The following PATJ variants were observed in gnomAD, a reference collection of about 807,000 sequenced individuals.
The protein encoded by PATJ is inaD-like protein.
In PATJ, 190 loss-of-function variants were observed where a neutral mutation model predicts 224.9. The ratio of observed to expected loss-of-function variants is 0.84; its 90% CI spans 0.75 to 0.95. PATJ has a LOEUF of 0.95. Among genes scored for constraint, PATJ ranks in the 40% least tolerant of loss-of-function variants. PATJ has a pLI of 0.00. For synonymous variants in PATJ, 769 were observed against 820.3 expected, an observed-to-expected ratio of 0.94 and a Z score of 1.07; for missense variants, 2,121 against 2,270.3, an observed-to-expected ratio of 0.93 and a Z score of 1.34.
At position 61,884,373 on chromosome 1, in the gene PATJ, A is replaced by G. The variant is rs143303567; in HGVS notation, c.3096A>G (p.Thr1032=). Residue 1032 remains threonine (T), a synonymous_variant, in exon 22 of 44, where the codon ACA becomes ACG. Coordinates refer to ENST00000642238, the MANE Select transcript of PATJ (RefSeq NM_001350145.3). ...TTATTTCCAAGGCCTCAGCATACACAGGAATGTTGTCTTCTAGATATGCCA... is the reference window on the plus strand; with the variant it reads ...TTATTTCCAAGGCCTCAGCATACACGGGAATGTTGTCTTCTAGATATGCCA... ...TRVISKASAY[T]GMLSSRYATD... 1.2e-6 allele frequency: 2 copies of G among 1,610,412 alleles called. No individual in the cohort carries two copies. The highest frequency in any genetic ancestry group is 1.7e-6 in the Non-Finnish European group (2 of 1,178,636).
Position 61,762,862 on chromosome 1 carries a change from C to CT in PATJ, c.-28dup. ...ATTGTTAAATTTTTTCTTTAGGTGT[C>CT]TTTAAGAGTGATTGAAGAGAATAAT... On this transcript the variant is annotated 5_prime_UTR_variant, in exon 2 of 44. Transcript: ENST00000642238. The CT allele has an allele frequency of 6.8e-7, 1 of 1,467,624 alleles. No homozygotes were observed. Among genetic ancestry groups the CT allele is most frequent in the African/African-American group, 1.4e-5 (1 of 71,276 alleles). The allele number at this position is 1,467,624 out of a possible 1,614,324, so 90.9% of individuals were successfully genotyped here. A position where few individuals can be genotyped will look rare whatever the true frequency, so the allele number is the denominator to read the frequency against.
At chr1:62,025,093 G>A (rs890497699) in intron 29 of PATJ, among the ~76,000 whole-genome samples, 4 of 152,174 alleles carry the variant, frequency 2.6e-5, no homozygotes, top group African/African-American at 9.7e-5. Flanking sequence ...ATTGCTTACT[G>A]TCAAAGAATC....
At chr1:61,923,396 A>G (rs996130833) in intron 26 of PATJ, among the ~76,000 whole-genome samples, 4 of 152,198 alleles carry the variant, frequency 2.6e-5, no homozygotes, top group African/African-American at 9.6e-5. Context: ...GAAAATAAAA[A>G]TGTGCCCAGC....
rs148402000 is a variant in PATJ at position 62,013,445 on chromosome 1, A to G, written c.3868-4411A>G. 1,295 of 985,398 alleles carry G rather than the reference A, an allele frequency of 1.3e-3. 14 individuals are homozygous for G. The African/African-American group carries it at 0.021, about 16-fold the overall frequency. The allele number at this position is 985,398 out of a possible 1,614,324, so 61.0% of individuals were successfully genotyped here. A position where few individuals can be genotyped will look rare whatever the true frequency, so the allele number is the denominator to read the frequency against. On this transcript the variant is annotated intron_variant, in intron 28 of 43. Coordinates refer to ENST00000642238, the MANE Select transcript of PATJ (RefSeq NM_001350145.3). ...ACTCAGCACATCCTCATTGAGGGCC[A>G]CTATGCACAAGCTATGCATGAAAAG...
Position 61,763,079 on chromosome 1 carries a change from C to G in PATJ, c.89C>G (p.Ser30Trp), listed in dbSNP as rs145544558. Residue 30 changes from serine to tryptophan, a missense_variant, in exon 3 of 44, where the codon TCG becomes TGG. Coordinates refer to ENST00000642238, the MANE Select transcript of PATJ (RefSeq NM_001350145.3). ...KMKLQEKGDTSQNEKLSMFYE... is the reference protein window; with the variant it reads ...KMKLQEKGDTWQNEKLSMFYE... ...AAATTGCAGGAGAAGGGTGACACGT[C>G]GCAGAATGAGAAGTTATCTATGTTT... 405 of 1,610,798 alleles carry G rather than the reference C, an allele frequency of 2.5e-4. No homozygotes were observed. The highest frequency in any genetic ancestry group is 3.4e-4 in the Non-Finnish European group (395 of 1,177,930).
At chr1:62,082,846 C>T (rs1570505001) in intron 32 of PATJ, among the ~76,000 whole-genome samples, 1 of 152,258 alleles carries the variant, frequency 6.6e-6, no homozygotes, top group East Asian at 1.9e-4. Context: ...CTATAGTCCG[C>T]TGACCCCTGC....
intron 18 of PATJ, among the ~76,000 whole-genome samples, chr1:61,859,500 C>A (rs1389513425): frequency 6.6e-6 from 1 of 151,956 alleles, no homozygotes; most frequent in African/African-American, 2.4e-5. Flanking sequence ...AATAGTGATT[C>A]AAGGAACCAG....
At chr1:62,073,433 G>A (rs1356430435) in intron 31 of PATJ, 1 of 460,514 alleles carries the variant, frequency 2.2e-6, no homozygotes, top group Non-Finnish European at 2.9e-6. Flanking sequence ...GACCAGACTG[G>A]CCAACATAGC....
intron 8 of PATJ, 102 bp from the exon 9 acceptor site, chr1:61,791,246 C>T (rs564383309): frequency 1.7e-4 from 105 of 620,844 alleles, no homozygotes; most frequent in Middle Eastern, 1.1e-3. Context: ...TTCTGCCTGC[C>T]ATAGATGCTA....
rs1030286390 is a variant in PATJ at position 61,895,728 on chromosome 1, C to T, written c.3132-3855C>T. 1.8e-4 allele frequency among the ~76,000 whole-genome samples: 28 copies of T among 152,322 alleles called. No homozygotes were observed. In the Middle Eastern group the frequency reaches 0.01, roughly 56 times the overall value. ...TAGAGGAAAAATGCAGGATTGAAGC[C>T]CCTAAATGGAGTCCCCATGGGGGCA... On this transcript the variant is annotated intron_variant, in intron 22 of 43. Transcript: ENST00000642238.
chr1:61,945,271 C>T (rs549349878), intron 27 of PATJ, among the ~76,000 whole-genome samples: 1 of 152,246 alleles, frequency 6.6e-6, no homozygotes, highest in South Asian at 2.1e-4. Context: ...AATTAAAAGA[C>T]ACAGACTAGC....
intron 27 of PATJ, among the ~76,000 whole-genome samples, chr1:61,938,590 C>G (rs1166512182): frequency 6.6e-6 from 1 of 152,086 alleles, no homozygotes; most frequent in East Asian, 1.9e-4. Context: ...TGGCTCACAC[C>G]TGTAATTCTA....
At position 62,114,179 on chromosome 1, in the gene PATJ, G is replaced by A. The variant is rs760819126; in HGVS notation, c.4588G>A (p.Glu1530Lys). Residue 1530 changes from glutamate to lysine, a missense_variant, in exon 35 of 44, where the codon GAG becomes AAG. Physicochemically the swap from Glu to Lys is moderately conservative, Grantham distance 56. Coordinates refer to ENST00000642238, the MANE Select transcript of PATJ (RefSeq NM_001350145.3). Reference protein sequence around the residue: ...EAHYRDEENLEIFPVDLQKKA... With the variant: ...EAHYRDEENLKIFPVDLQKKA... ...ACACTACCGGGATGAGGAGAACTTGGAGATTTTCCCTGTGGATCTGCAGAA... is the reference window on the plus strand; with the variant it reads ...ACACTACCGGGATGAGGAGAACTTGAAGATTTTCCCTGTGGATCTGCAGAA... 1.9e-6 allele frequency: 3 copies of A among 1,614,158 alleles called. No homozygotes were observed. The Admixed American group carries it at 5.0e-5, about 27-fold the overall frequency.
intron 17 of PATJ, among the ~76,000 whole-genome samples, chr1:61,836,497 T>G (rs189877889): frequency 5.6e-4 from 85 of 152,318 alleles, no homozygotes; most frequent in Middle Eastern, 3.4e-3. Flanking sequence ...CCTTGGGGAA[T>G]GGGGAGGGGA....
chr1:61,796,736 CTTTCT>C (rs1346260711), intron 10 of PATJ, among the ~76,000 whole-genome samples: 1,213 of 72,632 alleles, frequency 0.017, 33 homozygotes, highest in African/African-American at 0.054. Flanking sequence ...TTCTTTCTTT[CTTTCT>C]TTTTTTTCTT....
At chr1:62,024,270 A>T (rs1230299245) in intron 29 of PATJ, among the ~76,000 whole-genome samples, 1 of 152,000 alleles carries the variant, frequency 6.6e-6, no homozygotes, top group Non-Finnish European at 1.5e-5. Flanking sequence ...TTTCAGTAAG[A>T]TTGGTATCAG....
chr1:61,895,219 A>G (rs1448909178), intron 22 of PATJ, among the ~76,000 whole-genome samples: 2 of 152,248 alleles, frequency 1.3e-5, no homozygotes, highest in Non-Finnish European at 2.9e-5. Flanking sequence ...ACCATGTGGT[A>G]GAAAAGAAAA....
chr1:61,864,338 G>C lies in PATJ; in HGVS notation c.2540G>C (p.Ser847Thr). 6.2e-7 allele frequency: 1 copy of C among 1,614,142 alleles called. No individual in the cohort carries two copies. Residue 847 changes from serine (S) to threonine (T), a missense_variant, in exon 20 of 44, where the codon AGC (serine) becomes ACC (threonine). By Grantham distance (58) the Ser-to-Thr change is moderately conservative. Coordinates refer to ENST00000642238, the MANE Select transcript of PATJ (RefSeq NM_001350145.3). ...FHSQQKEIEQ[S>T]KEAWEMHEFL... ...TCCCAACAAAAAGAGATAGAGCAAA[G>C]CAAGGAGGCCTGGGAGATGCATGAA...
At chr1:61,900,780 G>A (rs897333153) in intron 23 of PATJ, among the ~76,000 whole-genome samples, 2 of 151,910 alleles carry the variant, frequency 1.3e-5, no homozygotes, top group South Asian at 2.1e-4. Context: ...TAGTAGAGAC[G>A]GGGTTTCACC....
Sources: gnomAD v4.1 joint callset for allele counts (sites outside exome capture counted in the v4.1 genomes callset) on GRCh38, gnomAD v4.1.1 for gene constraint, MANE v1.5 for transcripts, NCBI Gene and HGNC (gene_info 2026-07-23, HGNC 2026-07-21) for gene names.